Variants in LTBP2 observed in about 807,000 individuals in gnomAD.
The protein encoded by LTBP2 is latent transforming growth factor beta binding protein 2, also known as latent-transforming growth factor beta-binding protein 2.
A neutral mutation model predicts 210.6 loss-of-function variants in LTBP2; 103 were observed. The ratio of observed to expected loss-of-function variants is 0.49; its 90% confidence interval spans 0.42 to 0.58. The LOEUF (loss-of-function observed/expected upper bound fraction) is 0.58. LTBP2 is among the 20% of genes least tolerant of loss of function. The probability of loss-of-function intolerance (pLI) is 0.00; values close to 1 mark genes in which losing one functional copy is unlikely to be tolerated. For synonymous variants in LTBP2, 1,007 were observed against 1,015.0 expected, an observed-to-expected ratio of 0.99 and a Z score of 0.15; for missense variants, 2,313 against 2,494.5, an observed-to-expected ratio of 0.93 and a Z score of 1.55.
At position 74,503,498 on chromosome 14, in the gene LTBP2, T is replaced by C; in HGVS notation, c.4691A>G (p.Gln1564Arg). The change falls in exon 32 of 36, where the codon CAG (glutamine) becomes CGG (arginine). Residue 1564 changes from glutamine to arginine, a missense_variant. Physicochemically the swap from Gln to Arg is conservative, Grantham distance 43. Coordinates refer to ENST00000261978, the MANE Select transcript of LTBP2 (RefSeq NM_000428.3). ...GCTGCTGGTGCTGTTCATGCAGCGC[T>C]GCTGGCTGAGGTCCAGGGTGAGCGG... ...SPPLTLDLSQQRCMNSTSSTE... is the reference protein window; with the variant it reads ...SPPLTLDLSQRRCMNSTSSTE... The C allele has an allele frequency of 6.2e-7, 1 of 1,612,904 alleles. No homozygotes were observed. Among genetic ancestry groups the C allele is most frequent in the Non-Finnish European group, 8.5e-7 (1 of 1,179,746 alleles).
Position 74,504,774 on chromosome 14 carries a change from T to C in LTBP2, c.4453+4A>G, listed in dbSNP as rs374540543. 31 of 1,614,000 alleles carry C rather than the reference T, an allele frequency of 1.9e-5. No homozygotes were observed. The highest frequency in any genetic ancestry group is 1.6e-4 in the East Asian group (7 of 44,876). On this transcript the variant is annotated splice_donor_region_variant and intron_variant, in intron 30 of 35. Transcript: ENST00000261978. ...AGTTTGGGGCAGAGGATGGAGCAGA[T>C]TACCTGTGTACATGGTCTGTCCAAA... is the stretch of plus-strand genomic sequence containing the variant.
At chr14:74,599,183 A>C (rs1488983324) in intron 2 of LTBP2, among the ~76,000 whole-genome samples, 1 of 152,228 alleles carries the variant, frequency 6.6e-6, no homozygotes, top group Non-Finnish European at 1.5e-5. Context: ...CCCCCAGGAC[A>C]CAGAGCTGGG....
chr14:74,523,695 G>A (rs862037), intron 15 of LTBP2, among the ~76,000 whole-genome samples: 54,470 of 151,882 alleles, frequency 0.36, 9,944 homozygotes, highest in East Asian at 0.55. Context: ...ATACTAGAAA[G>A]GTACCTGGCA....
At chr14:74,535,446 CCT>C (rs2087408719) in intron 9 of LTBP2, among the ~76,000 whole-genome samples, 1 of 152,204 alleles carries the variant, frequency 6.6e-6, no homozygotes, top group Non-Finnish European at 1.5e-5. Flanking sequence ...CTCCCCGTCC[CCT>C]TTCCTGGCTA....
intron 9 of LTBP2, among the ~76,000 whole-genome samples, chr14:74,534,154 G>C (rs952174518): frequency 1.3e-5 from 2 of 152,306 alleles, no homozygotes; most frequent in South Asian, 4.1e-4. Context: ...TATGCATCCA[G>C]ACTGTGGCCA....
chr14:74,540,949 T>A (rs1448878873), intron 8 of LTBP2, among the ~76,000 whole-genome samples: 2 of 131,918 alleles, frequency 1.5e-5, no homozygotes, highest in Middle Eastern at 3.7e-3. Context: ...TATATATTTT[T>A]TATATATGTA....
At chr14:74,541,318 C>T (rs2087505164) in intron 8 of LTBP2, among the ~76,000 whole-genome samples, 1 of 152,114 alleles carries the variant, frequency 6.6e-6, no homozygotes, top group Non-Finnish European at 1.5e-5. Context: ...GCTGTGTGGG[C>T]ACTCAGTCAA....
intron 4 of LTBP2, among the ~76,000 whole-genome samples, chr14:74,554,015 AG>A (rs199881481): frequency 0.024 from 3,569 of 149,762 alleles, 74 homozygotes; most frequent in Non-Finnish European, 0.035. Flanking sequence ...AAGGGCTGAG[AG>A]GGTGGGAGAG....
At chr14:74,533,697 G>A (rs761156023) in intron 9 of LTBP2, among the ~76,000 whole-genome samples, 8 of 152,200 alleles carry the variant, frequency 5.3e-5, no homozygotes, top group Non-Finnish European at 7.3e-5. Flanking sequence ...CCGGAAACCC[G>A]TGGAGGCTCA....
intron 3 of LTBP2, among the ~76,000 whole-genome samples, chr14:74,564,273 TTA>T (rs1162644105): frequency 4.8e-3 from 29 of 6,086 alleles, no homozygotes; most frequent in Admixed American, 0.014. Flanking sequence ...TTATATATAT[TTA>T]TATATATATT....
intron 3 of LTBP2, among the ~76,000 whole-genome samples, chr14:74,556,061 C>A (rs1246281722): frequency 1.3e-5 from 2 of 152,162 alleles, no homozygotes; most frequent in African/African-American, 4.8e-5. Flanking sequence ...ATGGACCAGC[C>A]CCTGCCCTAA....
intron 6 of LTBP2, 82 bp from the exon 7 acceptor site, chr14:74,551,432 C>T (rs2087655767): frequency 9.5e-6 from 13 of 1,369,992 alleles, no homozygotes; most frequent in African/African-American, 1.5e-5. Context: ...TCCACCACCC[C>T]TGGGCCAGGC....
At position 74,586,238 on chromosome 14, in the gene LTBP2, G is replaced by A; in HGVS notation, c.566-120C>T. 1 of 1,176,186 alleles carries A rather than the reference G, an allele frequency of 8.5e-7. No homozygotes were observed. Among genetic ancestry groups the A allele is most frequent in the South Asian group, 1.5e-5 (1 of 68,448 alleles). The allele number at this position is 1,176,186 out of a possible 1,614,324, so 72.9% of individuals were successfully genotyped here. On this transcript the variant is annotated intron_variant, in intron 2 of 35. Transcript: ENST00000261978. This position sits in a 1 kb window ranked among gnomAD's most constrained non-coding sequence, Gnocchi z 4.6. ...TGCAACCCTGTCGCTCAAGCAGGAA[G>A]CCACTCTCCTGGCCTCAGGGGGCTC...
intron 2 of LTBP2, among the ~76,000 whole-genome samples, chr14:74,601,955 G>T (rs1330292975): frequency 6.6e-6 from 1 of 152,196 alleles, no homozygotes; most frequent in Non-Finnish European, 1.5e-5. Context: ...AGAGGCAGGG[G>T]CAGTCACCTG....
Position 74,529,095 on chromosome 14 carries a change from C to A in LTBP2, c.2015G>T (p.Gly672Val). The stretch of plus-strand genomic sequence containing the variant: ...GGGCCCCAGCGACCGGTAGCACAGT[C>A]CCTGCAGCATGGAGATTGCCTTGTC... The part of the protein sequence containing the change: ...VSDKAISMLQ[G>V]LCYRSLGPGT... The change falls in exon 11 of 36, where the codon GGA becomes GTA. Residue 672 changes from glycine (G) to valine (V), a missense_variant. Around this residue, in one of 3 missense-constraint regions of LTBP2, gnomAD observed 1,867 missense variants for 1,976.9 expected, o/e 0.94. Transcript: ENST00000261978. 4 of 1,552,932 alleles carry A rather than the reference C, an allele frequency of 2.6e-6. No individual in the cohort carries two copies. Among genetic ancestry groups the A allele is most frequent in the South Asian group, 1.2e-5 (1 of 84,228 alleles).
At chr14:74,564,221 TTA>T (rs1484895522) in intron 3 of LTBP2, among the ~76,000 whole-genome samples, 6 of 7,480 alleles carry the variant, frequency 8.0e-4, no homozygotes, top group Middle Eastern at 0.083. Context: ...ATATATATAT[TTA>T]TATATATATT....
At chr14:74,582,503 G>T (rs1363831392) in intron 3 of LTBP2, among the ~76,000 whole-genome samples, 2 of 151,614 alleles carry the variant, frequency 1.3e-5, no homozygotes, top group Admixed American at 6.6e-5. Context: ...AAGAGATCCT[G>T]CCCATTGACA....
intron 19 of LTBP2, 77 bp downstream of exon 19, chr14:74,511,168 T>C: frequency 1.9e-6 from 3 of 1,607,246 alleles, no homozygotes; most frequent in Non-Finnish European, 8.5e-7. Flanking sequence ...CCCACCTCTT[T>C]CCCTTTCCGT....
intron 3 of LTBP2, among the ~76,000 whole-genome samples, chr14:74,567,534 C>A (rs981417094): frequency 6.6e-6 from 1 of 152,128 alleles, no homozygotes; most frequent in Non-Finnish European, 1.5e-5. Flanking sequence ...CCCTAGCTTG[C>A]CCATGTGTCC....
Sources: gnomAD v4.1 joint callset for allele counts (sites outside exome capture counted in the v4.1 genomes callset) on GRCh38, gnomAD v4.1.1 for gene constraint, gnomAD v4.1.1 regional missense constraint, Gnocchi (gnomAD v3.1) non-coding constraint, MANE v1.5 for transcripts, NCBI Gene and HGNC (gene_info 2026-07-23, HGNC 2026-07-21) for gene names.